The following TACC1 variants were observed in gnomAD, a reference collection of about 807,000 sequenced individuals.
TACC1 encodes the protein transforming acidic coiled-coil containing protein 1, also known as transforming acidic coiled-coil-containing protein 1.
TACC1 carries 48 observed loss-of-function variants against 84.4 expected under a neutral mutation model. The observed-to-expected ratio is 0.57, with a 90% CI of 0.45 to 0.72. TACC1 has a LOEUF of 0.72. Ranked by LOEUF, TACC1 falls within the 30% of genes least tolerant of loss-of-function variation. The pLI is 0.00. For synonymous variants in TACC1, 372 were observed against 376.3 expected, an observed-to-expected ratio of 0.99 and a Z score of 0.13; for missense variants, 920 against 973.0, an observed-to-expected ratio of 0.95 and a Z score of 0.72.
At position 38,851,651 on chromosome 8, in the gene TACC1, G is replaced by T; in HGVS notation, c.*3628G>T. 1 of 284,460 alleles carries T rather than the reference G, an allele frequency of 3.5e-6. No individual in the cohort carries two copies. The highest frequency in any genetic ancestry group is 3.2e-5 in the South Asian group (1 of 31,110). The allele number at this position is 284,460 out of a possible 1,614,324, so 17.6% of individuals were successfully genotyped here. ...AACTGTCTCTGACTGTTGTCTCTTT[G>T]TGGTCATGTGATTGTGAGCTTGCTT... On this transcript the variant is annotated 3_prime_UTR_variant, in exon 13 of 13. Coordinates refer to ENST00000317827, the MANE Select transcript of TACC1 (RefSeq NM_006283.3).
chr8:38,757,331 C>CCAT (rs1810282180), intron 3 of TACC1: 1 of 1,268,028 alleles, frequency 7.9e-7, no homozygotes, highest in Non-Finnish European at 1.0e-6. Context: ...AAGTTCTGCG[C>CCAT]CATGGGAGGC....
intron 3 of TACC1, among the ~76,000 whole-genome samples, chr8:38,748,833 G>A (rs1461790320): frequency 2.6e-5 from 4 of 151,930 alleles, no homozygotes; most frequent in African/African-American, 4.8e-5. Flanking sequence ...AAGCCTATAC[G>A]AAGTGGGGAA....
chr8:38,787,495 T>G lies in TACC1; in HGVS notation c.-88T>G. The stretch of plus-strand genomic sequence containing the variant: ...TGCTGGAAACGCTTGCTGGCGCCTG[T>G]CACCGGTTCCCTCCATTTTGAAAGG... On this transcript the variant is annotated 5_prime_UTR_variant, in exon 1 of 13. Coordinates refer to ENST00000317827, the MANE Select transcript of TACC1 (RefSeq NM_006283.3). 2 of 1,407,564 alleles carry G rather than the reference T, an allele frequency of 1.4e-6. No homozygotes were observed. The highest frequency in any genetic ancestry group is 3.1e-5 in the South Asian group (2 of 65,134). The allele number at this position is 1,407,564 out of a possible 1,614,324, so 87.2% of individuals were successfully genotyped here. A position where few individuals can be genotyped will look rare whatever the true frequency, so the allele number is the denominator to read the frequency against.
intron 6 of TACC1, among the ~76,000 whole-genome samples, 198 bp downstream of exon 6, chr8:38,831,375 G>A (rs1359415819): frequency 6.6e-6 from 1 of 152,186 alleles, no homozygotes; most frequent in Non-Finnish European, 1.5e-5. Flanking sequence ...CACTTGAACT[G>A]TAGCTACTCA....
chr8:38,851,997 A>G lies in TACC1; in HGVS notation c.*3974A>G, dbSNP rs748841491. On this transcript the variant is annotated 3_prime_UTR_variant, in exon 13 of 13. Transcript: ENST00000317827. ...CTTACCACTAAATCCTTGAGTCTCC[A>G]TAGAGTAACAGTAAAGAAACTGATG... 6 of 456,368 alleles carry G rather than the reference A, an allele frequency of 1.3e-5. No individual in the cohort carries two copies. The highest frequency in any genetic ancestry group is 2.2e-5 in the Non-Finnish European group (5 of 226,918). 28.3% of individuals were successfully genotyped at this position (456,368 alleles called of 1,614,324 possible).
intron 2 of TACC1, among the ~76,000 whole-genome samples, chr8:38,798,372 A>C (rs2152057590): frequency 6.6e-6 from 1 of 152,096 alleles, no homozygotes; most frequent in Non-Finnish European, 1.5e-5. Flanking sequence ...AACTTTTTTC[A>C]GTTTACCAAG....
chr8:38,750,274 T>C (rs1026963397), intron 3 of TACC1, among the ~76,000 whole-genome samples: 7 of 152,234 alleles, frequency 4.6e-5, no homozygotes, highest in South Asian at 2.1e-4. Flanking sequence ...CTTTTTATCA[T>C]TAAAAAATCT....
intron 2 of TACC1, among the ~76,000 whole-genome samples, chr8:38,790,747 GTTTTGC>G (rs1289743874): frequency 4.6e-5 from 7 of 152,316 alleles, no homozygotes; most frequent in Admixed American, 3.3e-4. Context: ...AGCTGATTTG[GTTTTGC>G]TTTAAATTGA....
intron 1 of TACC1, chr8:38,788,374 G>A (rs761260948): frequency 2.1e-5 from 5 of 240,418 alleles, no homozygotes; most frequent in Non-Finnish European, 4.1e-5. Flanking sequence ...AAAGCCTCTG[G>A]GAAAGGGCTC....
intron 2 of TACC1, among the ~76,000 whole-genome samples, chr8:38,807,917 A>G (rs1427210070): frequency 2.0e-5 from 3 of 152,246 alleles, no homozygotes; most frequent in African/African-American, 7.2e-5. Context: ...GAATAAGCAT[A>G]AAAAGCATCT....
At chr8:38,783,080 ATCTATCTATCTATC>A (rs1563440119), upstream of TACC1, among the ~76,000 whole-genome samples, 21 of 106,626 alleles carry the variant, frequency 2.0e-4, no homozygotes, top group African/African-American at 9.2e-4. Flanking sequence ...CTATCTATCT[ATCTATCTATCTATC>A]TATCTATCTA....
chr8:38,840,281 T>A lies in TACC1; in HGVS notation c.1960+14T>A. ...CTCAAATGATTGGTAAGGAGAACAT[T>A]TTGTTTTTTGAGGGTATGAGCCATA... is the stretch of plus-strand genomic sequence containing the variant. On this transcript the variant is annotated intron_variant, in intron 9 of 12. Transcript: ENST00000317827. 1 of 1,611,836 alleles carries A rather than the reference T, an allele frequency of 6.2e-7. No homozygotes were observed.
intron 5 of TACC1, 110 bp downstream of exon 5, chr8:38,827,485 G>T: frequency 8.8e-7 from 1 of 1,140,544 alleles, no homozygotes; most frequent in South Asian, 1.5e-5. Flanking sequence ...TCACTTGAAG[G>T]ATAGATTTAG....
chr8:38,823,971 A>G, intron 3 of TACC1: 6 of 1,350,778 alleles, frequency 4.4e-6, no homozygotes, highest in Non-Finnish European at 5.9e-6. Context: ...TCCTGTCTCT[A>G]ATTTTGTTGG....
At position 38,732,680 on chromosome 8, in the gene TACC1, C is replaced by T. The variant is rs563765534; in HGVS notation, c.-675+4009C>T. On this transcript the variant is annotated intron_variant, in intron 1 of 14. Transcript: ENST00000518415. ...ACCTCATTTGTTTAATCCTCATGGC[C>T]GCCTGTCAGGTGAATACTATTATTA... Among the ~76,000 whole-genome samples the T allele has an allele frequency of 2.0e-5, 3 of 152,178 alleles. No homozygotes were observed. The East Asian group carries it at 5.8e-4, about 29-fold the overall frequency.
chr8:38,767,213 A>G (rs1263113711), intron 3 of TACC1, among the ~76,000 whole-genome samples: 1 of 152,252 alleles, frequency 6.6e-6, no homozygotes, highest in African/African-American at 2.4e-5. Context: ...CTTGGGCAAG[A>G]TACGAAGGTA....
intron 3 of TACC1, 35 bp downstream of exon 3, chr8:38,820,670 T>G (rs1259455800): frequency 6.4e-7 from 1 of 1,571,546 alleles, no homozygotes; most frequent in African/African-American, 1.3e-5. Context: ...TCGTGCTCTG[T>G]GTCTTGTCTG....
intron 2 of TACC1, among the ~76,000 whole-genome samples, chr8:38,742,881 A>G (rs1807344826): frequency 6.6e-6 from 1 of 151,996 alleles, no homozygotes; most frequent in African/African-American, 2.4e-5. Flanking sequence ...CAACTGGCTA[A>G]TTTTTGTATT....
In TACC1 at chr8:38,850,546, CT is replaced by C. The variant is rs1832941412; in HGVS notation, c.*2524del. On this transcript the variant is annotated 3_prime_UTR_variant, in exon 13 of 13. Coordinates refer to ENST00000317827, the MANE Select transcript of TACC1 (RefSeq NM_006283.3). ...GTGGCTTATTCCTGTAATCCCAACA[CT>C]GTGGAAGGCCGAGGCAGGAGGATCA... is the stretch of plus-strand genomic sequence containing the variant. The C allele has an allele frequency of 6.6e-6, 1 of 152,068 alleles. No homozygotes were observed. Among genetic ancestry groups the C allele is most frequent in the Non-Finnish European group, 1.5e-5 (1 of 68,040 alleles). The allele number at this position is 152,068 out of a possible 1,614,324, so 9.4% of individuals were successfully genotyped here.
Sources: gnomAD v4.1 joint callset for allele counts (sites outside exome capture counted in the v4.1 genomes callset) on GRCh38, gnomAD v4.1.1 for gene constraint, MANE v1.5 for transcripts, NCBI Gene and HGNC (gene_info 2026-07-23, HGNC 2026-07-21) for gene names.